USF3: variants seen among roughly 807,000 people sequenced by gnomAD.
The protein encoded by USF3 is basic helix-loop-helix domain-containing protein USF3.
In USF3, 29 loss-of-function variants were observed where a neutral mutation model predicts 157.5. The observed-to-expected ratio is 0.18, with a 90% CI of 0.14 to 0.25. The LOEUF (loss-of-function observed/expected upper bound fraction) is 0.25, where lower values mean the gene tolerates loss of function less well. Among genes scored for constraint, USF3 ranks in the 10% least tolerant of loss-of-function variants. USF3 has a pLI of 1.00. For synonymous variants in USF3, 893 were observed against 941.4 expected (o/e 0.95, Z 0.94); for missense variants, 2,381 against 2,667.6 (o/e 0.89, Z 2.37).
Position 113,653,882 on chromosome 3 carries a change from T to C in USF3, c.*1062A>G, listed in dbSNP as rs1049967648. 1 of 152,218 alleles carries C rather than the reference T, an allele frequency of 6.6e-6. No homozygotes were observed. The highest frequency in any genetic ancestry group is 1.5e-5 in the Non-Finnish European group (1 of 68,036). 9.4% of individuals were successfully genotyped at this position (152,218 alleles called of 1,614,324 possible). A position where few individuals can be genotyped will look rare whatever the true frequency, so the allele number is the denominator to read the frequency against. On this transcript the variant is annotated 3_prime_UTR_variant, in exon 7 of 7. Coordinates refer to ENST00000316407, the MANE Select transcript of USF3 (RefSeq NM_001009899.4). The stretch of plus-strand genomic sequence containing the variant: ...TGTTATGAAGGATAATAATGAAATA[T>C]ACAATGCCATATTTAAAATATAAAT...
intron 3 of USF3, among the ~76,000 whole-genome samples, chr3:113,673,927 G>A (rs1269471070): frequency 6.6e-6 from 1 of 152,150 alleles, no homozygotes; most frequent in Non-Finnish European, 1.5e-5. Context: ...TTTCTTGAGA[G>A]CCAATCTACT....
At chr3:113,674,987 A>C in intron 2 of USF3, 91 bp from the exon 3 acceptor site, 1 of 771,750 alleles carries the variant, frequency 1.3e-6, no homozygotes, top group East Asian at 2.5e-5. Flanking sequence ...GAATATTAAA[A>C]TGCTAAAAAA....
At chr3:113,680,991 T>G (rs1005365934) in intron 1 of USF3, among the ~76,000 whole-genome samples, 2 of 152,192 alleles carry the variant, frequency 1.3e-5, no homozygotes, top group African/African-American at 2.4e-5. Context: ...TTATTTTTAT[T>G]TTTGAGATAG....
chr3:113,673,435 A>G (rs997262845), intron 3 of USF3, 59 bp from the exon 4 acceptor site: 11 of 987,820 alleles, frequency 1.1e-5, no homozygotes, highest in Non-Finnish European at 1.7e-5. Flanking sequence ...TATTTTTACC[A>G]TTTTATACTT....
chr3:113,656,497 T>C lies in USF3; in HGVS notation c.5185A>G (p.Ile1729Val), dbSNP rs767376004. The C allele has an allele frequency of 4.3e-6, 7 of 1,614,090 alleles. No homozygotes were observed. The African/African-American group carries it at 8.0e-5, about 18-fold the overall frequency. ...AACGTCTGACAATCAGAAAGGCGGA[T>C]ATCTGAGGCCACAGTATGGTCCACA... is the stretch of plus-strand genomic sequence containing the variant. Reference protein sequence around the residue: ...GRVDHTVASDIRLSDCQTFKP... With the variant: ...GRVDHTVASDVRLSDCQTFKP... The change falls in exon 7 of 7, where the codon ATC becomes GTC. Residue 1729 changes from isoleucine (I) to valine (V), a missense_variant. Physicochemically the swap from Ile to Val is conservative, Grantham distance 29 (BLOSUM62 3). Transcript: ENST00000316407.
At chr3:113,695,058 G>C (rs1707769966) in intron 1 of USF3, among the ~76,000 whole-genome samples, 1 of 151,504 alleles carries the variant, frequency 6.6e-6, no homozygotes, top group African/African-American at 2.4e-5. Context: ...AAAAATAAAA[G>C]AAAGTTTACG....
At chr3:113,674,468 G>A (rs571208522) in intron 3 of USF3, among the ~76,000 whole-genome samples, 3 of 151,824 alleles carry the variant, frequency 2.0e-5, no homozygotes, top group Admixed American at 6.6e-5. Context: ...TCAGCCTCCC[G>A]AGTAGCTGGA....
chr3:113,672,669 A>G (rs1412482490), intron 4 of USF3, among the ~76,000 whole-genome samples: 1 of 152,186 alleles, frequency 6.6e-6, no homozygotes, highest in Non-Finnish European at 1.5e-5. Context: ...TGGAGTTTCA[A>G]AGGCAATAAA....
At chr3:113,661,543 A>G (rs1284135360) in intron 6 of USF3, 118 bp from the exon 7 acceptor site, 3 of 551,546 alleles carry the variant, frequency 5.4e-6, no homozygotes, top group Non-Finnish European at 6.1e-6. Context: ...AAGTACTTCA[A>G]CCGAGACTCT....
rs1239504300 is a variant in USF3 at position 113,656,534 on chromosome 3, A to G, written c.5148T>C (p.Asn1716=). The G allele has an allele frequency of 1.2e-6, 2 of 1,614,218 alleles. No homozygotes were observed. Among genetic ancestry groups the G allele is most frequent in the South Asian group, 1.1e-5 (1 of 91,088 alleles). ...CAGTATGGTCCACACGACCCTGCAT[A>G]TTATGAATAGCCAAACTCTTATTTC... ...VPRNKSLAIH[N]MQGRVDHTVA... The change falls in exon 7 of 7, where the codon AAT becomes AAC. Residue 1716 remains asparagine (N), a synonymous_variant. Coordinates refer to ENST00000316407, the MANE Select transcript of USF3 (RefSeq NM_001009899.4).
In USF3 at chr3:113,658,303, C is replaced by A. The variant is rs190594852; in HGVS notation, c.3379G>T (p.Val1127Leu). 8.2e-4 allele frequency: 1,316 copies of A among 1,614,182 alleles called. 6 individuals carry two copies. Among genetic ancestry groups the A allele is most frequent in the Middle Eastern group, 4.6e-3 (28 of 6,062 alleles). The part of the protein sequence containing the change: ...TTNTCDSCTF[V>L]EQTDIVALAA... ...AGAGCTACTATATCAGTTTGCTCTA[C>A]AAAGGTACAGCTGTCACATGTATTA... is the stretch of plus-strand genomic sequence containing the variant. The change falls in exon 7 of 7, where the codon GTA (valine) becomes TTA (leucine). Residue 1127 changes from valine (V) to leucine (L), a missense_variant. Transcript: ENST00000316407.
chr3:113,692,409 C>T (rs937668007), intron 1 of USF3, among the ~76,000 whole-genome samples: 1 of 151,642 alleles, frequency 6.6e-6, no homozygotes, highest in Non-Finnish European at 1.5e-5. Flanking sequence ...ACTGAGAATA[C>T]AAACATGAAA....
At position 113,660,246 on chromosome 3, in the gene USF3, T is replaced by A; in HGVS notation, c.1436A>T (p.Asn479Ile). 1.2e-6 allele frequency: 2 copies of A among 1,614,218 alleles called. No homozygotes were observed. Among genetic ancestry groups the A allele is most frequent in the Non-Finnish European group, 1.7e-6 (2 of 1,180,024 alleles). Residue 479 changes from asparagine (N) to isoleucine (I), a missense_variant, in exon 7 of 7, where the codon AAC (asparagine) becomes ATC (isoleucine). Coordinates refer to ENST00000316407, the MANE Select transcript of USF3 (RefSeq NM_001009899.4). ...NHSRYVATDI[N>I]LNNSFPADGQ... ...ATCTGCTGGAAAGGAATTATTCAAG[T>A]TGATGTCTGTAGCCACATATCTACT...
intron 5 of USF3, among the ~76,000 whole-genome samples, chr3:113,669,193 T>C (rs1379108255): frequency 6.6e-6 from 1 of 151,904 alleles, no homozygotes; most frequent in Admixed American, 6.6e-5. Context: ...GATAGAATTA[T>C]AATGGAAGGA....
At chr3:113,682,086 G>A (rs1315829147) in intron 1 of USF3, among the ~76,000 whole-genome samples, 1 of 152,176 alleles carries the variant, frequency 6.6e-6, no homozygotes, top group Non-Finnish European at 1.5e-5. Context: ...CACTTTGGGA[G>A]GCAGAAGTGG....
chr3:113,659,306 A>G lies in USF3; in HGVS notation c.2376T>C (p.Ser792=). The change falls in exon 7 of 7, where the codon TCT becomes TCC. Residue 792 remains serine (S), a synonymous_variant. Coordinates refer to ENST00000316407, the MANE Select transcript of USF3 (RefSeq NM_001009899.4). ...NTVACLPNMK[S]KRLNKKPGGR... is the part of the protein sequence containing the mutation. ...CACCTGGCTTCTTATTCAACCTTTT[A>G]GATTTCATGTTAGGCAAACAAGCAA... 1.2e-6 allele frequency: 2 copies of G among 1,614,228 alleles called. No homozygotes were observed. Among genetic ancestry groups the G allele is most frequent in the South Asian group, 1.1e-5 (1 of 91,084 alleles).
Position 113,656,087 on chromosome 3 carries a change from G to A in USF3, c.5595C>T (p.Val1865=). 1 of 1,614,102 alleles carries A rather than the reference G, an allele frequency of 6.2e-7. No individual in the cohort carries two copies. Residue 1865 remains valine (V), a synonymous_variant, in exon 7 of 7, where the codon GTC becomes GTT. Transcript: ENST00000316407. ...EYNCPPTHEN[V]HIRRESESQN... Reference sequence around the variant, plus strand: ...GACTCTCACTCTCTCTTCTAATATGGACATTTTCATGAGTTGGGGGACAAT... The same window carrying A: ...GACTCTCACTCTCTCTTCTAATATGAACATTTTCATGAGTTGGGGGACAAT...
At chr3:113,666,075 T>C (rs1396029947) in intron 5 of USF3, among the ~76,000 whole-genome samples, 1 of 151,340 alleles carries the variant, frequency 6.6e-6, no homozygotes, top group Non-Finnish European at 1.5e-5. Context: ...TCCCAGCTAC[T>C]CGGGAGGCTG....
intron 1 of USF3, among the ~76,000 whole-genome samples, chr3:113,695,920 A>G (rs1366452260): frequency 1.3e-5 from 2 of 152,234 alleles, no homozygotes; most frequent in South Asian, 2.1e-4. Context: ...AGCAAGCCAC[A>G]TGAGTCTGAC....
Sources: allele counts gnomAD v4.1 joint callset (sites outside exome capture counted in the v4.1 genomes callset), GRCh38; gene constraint gnomAD v4.1.1; transcripts MANE v1.5; gene names NCBI Gene and HGNC (gene_info 2026-07-23, HGNC 2026-07-21).